The following CAPZB variants were observed in gnomAD, a reference collection of about 807,000 sequenced individuals.
The protein encoded by CAPZB is capping actin protein of muscle Z-line subunit beta, also known as F-actin-capping protein subunit beta.
A neutral mutation model predicts 38.1 loss-of-function variants in CAPZB; 2 were observed. That is an observed-to-expected ratio of 0.05 (90% CI 0.02 to 0.17). The LOEUF is 0.17. Among genes scored for constraint, CAPZB ranks in the 10% least tolerant of loss-of-function variants. CAPZB has a pLI of 1.00. For missense variants in CAPZB, 161 were observed against 334.2 expected (o/e 0.48, Z 4.04); for synonymous variants, 107 against 127.4 (o/e 0.84, Z 1.08).
At chr1:19,341,966 C>A (rs1254283659) in intron 8 of CAPZB, among the ~76,000 whole-genome samples, 1 of 152,204 alleles carries the variant, frequency 6.6e-6, no homozygotes, top group Non-Finnish European at 1.5e-5. Context: ...GTTCCAAATG[C>A]CTTCTTTTTA....
At chr1:19,422,026 C>T (rs879868435) in intron 1 of CAPZB, among the ~76,000 whole-genome samples, 8 of 152,022 alleles carry the variant, frequency 5.3e-5, no homozygotes, top group South Asian at 2.1e-4. Context: ...AATGTTCAAA[C>T]TCAATACAAA....
intron 2 of CAPZB, among the ~76,000 whole-genome samples, chr1:19,395,167 C>G (rs2094259987): frequency 6.6e-6 from 1 of 152,342 alleles, no homozygotes; most frequent in East Asian, 1.9e-4. Flanking sequence ...GCAGCAGCAT[C>G]TGTACCTGCT....
chr1:19,345,337 CAA>C, intron 6 of CAPZB, 85 bp from the exon 7 acceptor site: 3 of 1,106,498 alleles, frequency 2.7e-6, no homozygotes, highest in Non-Finnish European at 4.1e-6. Flanking sequence ...CCACGGTCTG[CAA>C]AGAGCCTACT....
intron 6 of CAPZB, among the ~76,000 whole-genome samples, chr1:19,347,721 G>A (rs1215632528): frequency 6.6e-6 from 1 of 152,204 alleles, no homozygotes; most frequent in Non-Finnish European, 1.5e-5. Context: ...ACGGAACCCG[G>A]AAACCTGGGC....
intron 1 of CAPZB, among the ~76,000 whole-genome samples, chr1:19,433,378 G>A (rs1341435569): frequency 2.6e-5 from 4 of 152,262 alleles, no homozygotes; most frequent in Middle Eastern, 6.8e-3. Flanking sequence ...GAAAAATGTC[G>A]ACCACGTGTT....
intron 1 of CAPZB, among the ~76,000 whole-genome samples, chr1:19,483,206 AT>A (rs1234826334): frequency 2.1e-5 from 3 of 144,292 alleles, no homozygotes; most frequent in Non-Finnish European, 4.7e-5. Context: ...TACATGGGCA[AT>A]AAATACTGCT....
intron 2 of CAPZB, among the ~76,000 whole-genome samples, chr1:19,401,209 G>GA (rs71577891): frequency 0.22 from 32,243 of 143,722 alleles, 3,966 homozygotes; most frequent in Non-Finnish European, 0.28. Flanking sequence ...AACCAAAAAG[G>GA]AAAAAAAAAA....
Position 19,358,505 on chromosome 1 carries a change from C to T in CAPZB, c.330-942G>A, listed in dbSNP as rs539925839. ...AATTACGATCAAATGGAAGAGGGAA[C>T]GAAAAGGTTAGATGAGAAATGGGAA... On this transcript the variant is annotated intron_variant, in intron 4 of 8. Coordinates refer to ENST00000264202, the MANE Select transcript of CAPZB (RefSeq NM_004930.5). Among the ~76,000 whole-genome samples the T allele has an allele frequency of 8.1e-4, 124 of 152,174 alleles. 1 individual carries two copies. The highest frequency in any genetic ancestry group is 2.9e-3 in the African/African-American group (119 of 41,512).
intron 2 of CAPZB, among the ~76,000 whole-genome samples, chr1:19,387,416 G>A (rs6672756): frequency 0.19 from 28,892 of 152,260 alleles, 3,254 homozygotes; most frequent in South Asian, 0.3. Context: ...GAGGAAGGAA[G>A]GTCTAACAGC....
At chr1:19,484,297 C>A (rs778249164) in intron 1 of CAPZB, 8 of 1,607,396 alleles carry the variant, frequency 5.0e-6, no homozygotes, top group Non-Finnish European at 6.8e-6. Context: ...AGGCCATATG[C>A]TGGATCCAGG....
intron 1 of CAPZB, among the ~76,000 whole-genome samples, chr1:19,478,415 TCACTACGTGCCAGGTGAATGGCAACCAC>T (rs2094614640): frequency 6.6e-6 from 1 of 152,206 alleles, no homozygotes; most frequent in Non-Finnish European, 1.5e-5. Context: ...CTCACAATCA[TCACTACGTGCCAGGTGAATGGCAACCAC>T]CAGGGTTGTT....
At chr1:19,450,474 T>G (rs957428238) in intron 1 of CAPZB, among the ~76,000 whole-genome samples, 1 of 152,088 alleles carries the variant, frequency 6.6e-6, no homozygotes, top group Admixed American at 6.5e-5. Flanking sequence ...CCTGTAAGAG[T>G]GTGTCAGGCA....
chr1:19,400,165 C>T (rs1258957271), intron 2 of CAPZB, among the ~76,000 whole-genome samples: 1 of 152,058 alleles, frequency 6.6e-6, no homozygotes, highest in Non-Finnish European at 1.5e-5. Flanking sequence ...CCTCCGAGAC[C>T]TCAACACCAT....
intron 1 of CAPZB, among the ~76,000 whole-genome samples, chr1:19,427,844 T>C (rs1339775656): frequency 6.6e-6 from 1 of 152,232 alleles, no homozygotes; most frequent in Non-Finnish European, 1.5e-5. Context: ...CTTCAACCTT[T>C]TGGGGTCTGC....
intron 1 of CAPZB, among the ~76,000 whole-genome samples, chr1:19,454,401 T>C (rs1397470062): frequency 6.6e-6 from 1 of 152,190 alleles, no homozygotes; most frequent in Non-Finnish European, 1.5e-5. Flanking sequence ...TTAAAACTCT[T>C]TTCCAGAGAA....
intron 1 of CAPZB, among the ~76,000 whole-genome samples, chr1:19,483,895 A>G (rs2094640115): frequency 6.6e-6 from 1 of 152,250 alleles, no homozygotes. Context: ...CTCGTTCAGC[A>G]GCAACATCCC....
intron 1 of CAPZB, among the ~76,000 whole-genome samples, chr1:19,474,573 C>T (rs2094600434): frequency 1.3e-5 from 2 of 152,172 alleles, no homozygotes; most frequent in Admixed American, 6.5e-5. Flanking sequence ...TAGAATCAAA[C>T]ACCTGCCCTT....
intron 1 of CAPZB, among the ~76,000 whole-genome samples, chr1:19,424,158 A>C (rs976850031): frequency 6.6e-6 from 1 of 151,858 alleles, no homozygotes; most frequent in African/African-American, 2.4e-5. Context: ...TAATATAACA[A>C]GGCTTTTTTT....
At chr1:19,461,385 G>A (rs966355812) in intron 1 of CAPZB, among the ~76,000 whole-genome samples, 7 of 152,160 alleles carry the variant, frequency 4.6e-5, no homozygotes, top group African/African-American at 1.4e-4. Context: ...TCTCTCCCCC[G>A]ACCCACCTGC....
Sources: gnomAD v4.1 joint callset for allele counts (sites outside exome capture counted in the v4.1 genomes callset) on GRCh38, gnomAD v4.1.1 for gene constraint, MANE v1.5 for transcripts, NCBI Gene and HGNC (gene_info 2026-07-23, HGNC 2026-07-21) for gene names.